Variants in KCNA2 observed in about 807,000 individuals in gnomAD.
KCNA2 encodes the protein potassium voltage-gated channel subfamily A member 2, also known as potassium channel, voltage gated shaker related subfamily A, member 2.
KCNA2 carries 11 observed loss-of-function variants against 33.4 expected under a neutral mutation model. That is an observed-to-expected ratio of 0.33 (90% confidence interval 0.21 to 0.55). The LOEUF is 0.55. Ranked by LOEUF, KCNA2 falls within the 20% of genes least tolerant of loss-of-function variation. KCNA2 has a pLI of 0.93. For synonymous variants in KCNA2, 222 were observed against 231.3 expected, an observed-to-expected ratio of 0.96 and a Z score of 0.37; for missense variants, 291 against 621.6, an observed-to-expected ratio of 0.47 and a Z score of 5.66.
At chr1:110,629,940 T>C (rs1650503976) in intron 1 of KCNA2, among the ~76,000 whole-genome samples, 1 of 151,466 alleles carries the variant, frequency 6.6e-6, no homozygotes, top group Non-Finnish European at 1.5e-5. Context: ...TGGGTAGGTT[T>C]GACTGGAAGA....
At chr1:110,609,826 A>G (rs1402127600), upstream of KCNA2, among the ~76,000 whole-genome samples, 2 of 152,216 alleles carry the variant, frequency 1.3e-5, no homozygotes, top group African/African-American at 2.4e-5. Context: ...GTATAGGAAA[A>G]GAACACAGGC....
chr1:110,630,344 T>C (rs1384559156), intron 1 of KCNA2, among the ~76,000 whole-genome samples: 2 of 152,180 alleles, frequency 1.3e-5, no homozygotes, highest in African/African-American at 4.8e-5. Context: ...TTTTCTCCTT[T>C]TTAGGATATT....
intron 1 of KCNA2, among the ~76,000 whole-genome samples, chr1:110,621,407 A>C (rs2101459448): frequency 6.6e-6 from 1 of 152,350 alleles, no homozygotes; most frequent in Non-Finnish European, 1.5e-5. Flanking sequence ...TTAGAAAAGA[A>C]GATCTTACAT....
In KCNA2 at chr1:110,595,983, G is replaced by A; in HGVS notation, c.*7300C>T. On this transcript the variant is annotated 3_prime_UTR_variant, in exon 3 of 3. Transcript: ENST00000316361. ...TGGAATAACTTTTCTGATCCTCAGT[G>A]ATGAGGTTATAGCCAACCAGGGCAG... 3.0e-6 allele frequency: 3 copies of A among 985,418 alleles called. No homozygotes were observed. Among genetic ancestry groups the A allele is most frequent in the Non-Finnish European group, 3.6e-6 (3 of 829,908 alleles). The allele number at this position is 985,418 out of a possible 1,614,324, so 61.0% of individuals were successfully genotyped here.
At position 110,595,067 on chromosome 1, in the gene KCNA2, C is replaced by T; in HGVS notation, c.*8216G>A. Reference sequence around the variant, plus strand: ...TTCAAGGAGAAGCAGGGCTTAGAGGCCTCTCACAGAGACTCAGAAAGACAC... The same window carrying T: ...TTCAAGGAGAAGCAGGGCTTAGAGGTCTCTCACAGAGACTCAGAAAGACAC... On this transcript the variant is annotated 3_prime_UTR_variant, in exon 3 of 3. Coordinates refer to ENST00000316361, the MANE Select transcript of KCNA2 (RefSeq NM_004974.4). The T allele has an allele frequency of 1.0e-5, 10 of 985,326 alleles. No homozygotes were observed. The highest frequency in any genetic ancestry group is 1.2e-5 in the Non-Finnish European group (10 of 829,914). 61.0% of individuals were successfully genotyped at this position (985,326 alleles called of 1,614,324 possible). A position where few individuals can be genotyped will look rare whatever the true frequency, so the allele number is the denominator to read the frequency against.
At position 110,599,598 on chromosome 1, in the gene KCNA2, G is replaced by A. The variant is rs916956241; in HGVS notation, c.*3685C>T. 1.0e-6 allele frequency: 1 copy of A among 985,428 alleles called. No homozygotes were observed. Among genetic ancestry groups the A allele is most frequent in the Middle Eastern group, 5.2e-4 (1 of 1,914 alleles). The allele number at this position is 985,428 out of a possible 1,614,324, so 61.0% of individuals were successfully genotyped here. A position where few individuals can be genotyped will look rare whatever the true frequency, so the allele number is the denominator to read the frequency against. ...AAAGGTGGCTCATTTTAAGAGACAGGTCTCTATAGGGTCTCAACTTCCTGA... is the reference window on the plus strand; with the variant it reads ...AAAGGTGGCTCATTTTAAGAGACAGATCTCTATAGGGTCTCAACTTCCTGA... On this transcript the variant is annotated 3_prime_UTR_variant, in exon 3 of 3. Coordinates refer to ENST00000316361, the MANE Select transcript of KCNA2 (RefSeq NM_004974.4).
rs1021357195 is a variant in KCNA2, at chr1:110,594,026, A to G, written c.*9257T>C. The G allele has an allele frequency of 1.3e-6, 2 of 1,534,448 alleles. No homozygotes were observed. Among genetic ancestry groups the G allele is most frequent in the Non-Finnish European group, 1.8e-6 (2 of 1,140,312 alleles). ...CCGCCTTCAGCTCTCATTGGTCCCC[A>G]GCCTCTTATCACCATGGAGACCCCA... On this transcript the variant is annotated 3_prime_UTR_variant, in exon 3 of 3. Transcript: ENST00000316361.
rs559879940 is a variant in KCNA2 at position 110,599,105 on chromosome 1, C to T, written c.*4178G>A. 1.2e-5 allele frequency: 12 copies of T among 985,436 alleles called. No individual in the cohort carries two copies. The African/African-American group carries it at 1.9e-4, about 16-fold the overall frequency. 61.0% of individuals were successfully genotyped at this position (985,436 alleles called of 1,614,324 possible). ...TTCTGTAGAGACTGGGAGCTGCGACCATCACTGGAAGGGAGAGTGAGACAC... is the reference window on the plus strand; with the variant it reads ...TTCTGTAGAGACTGGGAGCTGCGACTATCACTGGAAGGGAGAGTGAGACAC... On this transcript the variant is annotated 3_prime_UTR_variant, in exon 3 of 3. Transcript: ENST00000316361.
intron 1 of KCNA2, among the ~76,000 whole-genome samples, chr1:110,611,416 G>A (rs896784901): frequency 6.6e-6 from 1 of 152,142 alleles, no homozygotes; most frequent in African/African-American, 2.4e-5. Flanking sequence ...TCATCCCACC[G>A]CAATACTGGC....
Position 110,603,049 on chromosome 1 carries a change from A to G in KCNA2, c.*234T>C. 1 of 1,386,670 alleles carries G rather than the reference A, an allele frequency of 7.2e-7. No homozygotes were observed. The highest frequency in any genetic ancestry group is 9.3e-7 in the Non-Finnish European group (1 of 1,076,078). The allele number at this position is 1,386,670 out of a possible 1,614,324, so 85.9% of individuals were successfully genotyped here. On this transcript the variant is annotated 3_prime_UTR_variant, in exon 3 of 3. Coordinates refer to ENST00000316361, the MANE Select transcript of KCNA2 (RefSeq NM_004974.4). The surrounding 1 kb of genome is among the most constrained non-coding windows in gnomAD (Gnocchi z 5.7). ...CGTGTCTATCTGAAATCCTAGCTTG[A>G]TAGGTGACTCCCGTCTTTGGAAGTT...
chr1:110,599,439 G>A lies in KCNA2; in HGVS notation c.*3844C>T, dbSNP rs1428706121. 2.0e-6 allele frequency: 2 copies of A among 985,170 alleles called. No homozygotes were observed. The highest frequency in any genetic ancestry group is 1.7e-5 in the African/African-American group (1 of 57,228). The allele number at this position is 985,170 out of a possible 1,614,324, so 61.0% of individuals were successfully genotyped here. A position where few individuals can be genotyped will look rare whatever the true frequency, so the allele number is the denominator to read the frequency against. ...ACTGGGTTGCATAGCAATTGGATGGGAGGCAGGGCATCCAGGGGAGCCCAA... is the reference window on the plus strand; with the variant it reads ...ACTGGGTTGCATAGCAATTGGATGGAAGGCAGGGCATCCAGGGGAGCCCAA... On this transcript the variant is annotated 3_prime_UTR_variant, in exon 3 of 3. Coordinates refer to ENST00000316361, the MANE Select transcript of KCNA2 (RefSeq NM_004974.4).
chr1:110,596,516 C>G lies in KCNA2; in HGVS notation c.*6767G>C. On this transcript the variant is annotated 3_prime_UTR_variant, in exon 3 of 3. Coordinates refer to ENST00000316361, the MANE Select transcript of KCNA2 (RefSeq NM_004974.4). ...AGGATGTGCCCCAGTGGCCCATTTCCAGGCCTGTCTTGTAGCCAGCAGCCA... is the reference window on the plus strand; with the variant it reads ...AGGATGTGCCCCAGTGGCCCATTTCGAGGCCTGTCTTGTAGCCAGCAGCCA... 1 of 187,490 alleles carries G rather than the reference C, an allele frequency of 5.3e-6. No individual in the cohort carries two copies. The highest frequency in any genetic ancestry group is 1.9e-4 in the East Asian group (1 of 5,360). 11.6% of individuals were successfully genotyped at this position (187,490 alleles called of 1,614,324 possible).
rs1360122267 is a variant in KCNA2 at position 110,595,499 on chromosome 1, A to G, written c.*7784T>C. 2.0e-6 allele frequency: 2 copies of G among 985,298 alleles called. No homozygotes were observed. Among genetic ancestry groups the G allele is most frequent in the Admixed American group, 6.2e-5 (1 of 16,254 alleles). The allele number at this position is 985,298 out of a possible 1,614,324, so 61.0% of individuals were successfully genotyped here. On this transcript the variant is annotated 3_prime_UTR_variant, in exon 3 of 3. Transcript: ENST00000316361. Reference sequence around the variant, plus strand: ...TGGCAGACACCCCTGCACCACTTCAATTGCTCCAGATACAGTGAAAAATCC... The same window carrying G: ...TGGCAGACACCCCTGCACCACTTCAGTTGCTCCAGATACAGTGAAAAATCC...
upstream of KCNA2, among the ~76,000 whole-genome samples, chr1:110,611,018 GAGGAAGGAAGGA>G (rs59353690): frequency 0.02 from 2,835 of 144,240 alleles, 28 homozygotes; most frequent in Middle Eastern, 0.05. Flanking sequence ...AAGACAGAAT[GAGGAAGGAAGGA>G]AGGAAGGAAG....
rs1236300690 is a variant in KCNA2 at position 110,604,303 on chromosome 1, C to A, written c.480G>T (p.Gly160=). 1 of 1,614,020 alleles carries A rather than the reference C, an allele frequency of 6.2e-7. No individual in the cohort carries two copies. The change falls in exon 3 of 3, where the codon GGG becomes GGT. Residue 160 remains glycine, a synonymous_variant. Coordinates refer to ENST00000316361, the MANE Select transcript of KCNA2 (RefSeq NM_004974.4). This position sits in a 1 kb window ranked among gnomAD's most constrained non-coding sequence, Gnocchi z 7.6. ...WLLFEYPESS[G]PARIIAIVSV... Reference sequence around the variant, plus strand: ...ACACAATAGCTATAATCCTGGCAGGCCCTGAGCTCTCTGGGTATTCAAAGA... The same window carrying A: ...ACACAATAGCTATAATCCTGGCAGGACCTGAGCTCTCTGGGTATTCAAAGA...
chr1:110,622,049 T>C (rs1650271795), intron 1 of KCNA2, among the ~76,000 whole-genome samples: 1 of 152,008 alleles, frequency 6.6e-6, no homozygotes, highest in Non-Finnish European at 1.5e-5. Context: ...ACATCACCAG[T>C]AAAGAAAACT....
At chr1:110,627,044 C>A (rs989579414) in intron 1 of KCNA2, among the ~76,000 whole-genome samples, 1 of 152,168 alleles carries the variant, frequency 6.6e-6, no homozygotes, top group South Asian at 2.1e-4. Context: ...TACCGTCAAC[C>A]ACGTGAAGGA....
At position 110,597,332 on chromosome 1, in the gene KCNA2, T is replaced by C. The variant is rs1649138153; in HGVS notation, c.*5951A>G. The C allele has an allele frequency of 8.1e-6, 8 of 985,232 alleles. No individual in the cohort carries two copies. In the South Asian group the frequency reaches 3.8e-4, roughly 46 times the overall value. 61.0% of individuals were successfully genotyped at this position (985,232 alleles called of 1,614,324 possible). A position where few individuals can be genotyped will look rare whatever the true frequency, so the allele number is the denominator to read the frequency against. ...CTCAGGATGCTTTATTCTTATCTAT[T>C]GGGAAGTGCTTTCGTGTAGGCTTCC... On this transcript the variant is annotated 3_prime_UTR_variant, in exon 3 of 3. Coordinates refer to ENST00000316361, the MANE Select transcript of KCNA2 (RefSeq NM_004974.4).
chr1:110,623,991 G>A (rs922274916), intron 1 of KCNA2, among the ~76,000 whole-genome samples: 4 of 151,700 alleles, frequency 2.6e-5, no homozygotes, highest in Non-Finnish European at 5.9e-5. Flanking sequence ...AAAAGACTGA[G>A]GATAACATCT....
Sources: allele counts gnomAD v4.1 joint callset (sites outside exome capture counted in the v4.1 genomes callset), GRCh38; gene constraint gnomAD v4.1.1; non-coding constraint Gnocchi (gnomAD v3.1); transcripts MANE v1.5; gene names NCBI Gene and HGNC (gene_info 2026-07-23, HGNC 2026-07-21).